The following BRDT variants were observed in gnomAD, a reference collection of about 807,000 sequenced individuals.
BRDT encodes bromodomain testis-specific protein.
In BRDT, 77 loss-of-function variants were observed where a neutral mutation model predicts 113.9. The observed-to-expected ratio is 0.68, with a 90% confidence interval of 0.56 to 0.82. The LOEUF is 0.82. Among genes scored for constraint, BRDT ranks in the 40% least tolerant of loss-of-function variants. The pLI is 0.00. For missense variants in BRDT, 1,027 were observed against 1,105.4 expected, an observed-to-expected ratio of 0.93 and a Z score of 1.01; for synonymous variants, 358 against 366.5, an observed-to-expected ratio of 0.98 and a Z score of 0.26.
At chr1:91,978,376 T>G in intron 7 of BRDT, 80 bp downstream of exon 7, 4 of 1,509,632 alleles carry the variant, frequency 2.6e-6, no homozygotes, top group African/African-American at 1.4e-5. Context: ...ATGTAAGAGA[T>G]AAAGAATAAT....
Position 91,985,638 on chromosome 1 carries a change from C to CTTTTTTT in BRDT, c.2002+3896_2002+3902dup, listed in dbSNP as rs57330647. ...AGAGACAGAGCTTTAATTAGTTTTG[C>CTTTTTTT]TTTTTTTTTTTTTTTTTTTGAGACG... On this transcript the variant is annotated intron_variant, in intron 12 of 18. Coordinates refer to ENST00000399546, the MANE Select transcript of BRDT (RefSeq NM_207189.4). Among the ~76,000 whole-genome samples the CTTTTTTT allele has an allele frequency of 1.3e-4, 14 of 108,590 alleles. 2 individuals carry two copies. Among genetic ancestry groups the CTTTTTTT allele is most frequent in the East Asian group, 2.8e-4 (1 of 3,620 alleles). 71.2% of individuals were successfully genotyped at this position (108,590 alleles called of 152,430 possible).
intron 1 of BRDT, among the ~76,000 whole-genome samples, chr1:91,960,185 T>C (rs1682276282): frequency 6.6e-6 from 1 of 152,146 alleles, no homozygotes; most frequent in Admixed American, 6.6e-5. Context: ...ATCTAGCAAT[T>C]CCACTTGTGT....
Position 91,981,172 on chromosome 1 carries a change from C to A in BRDT, c.1744C>A (p.Pro582Thr). Reference sequence around the variant, plus strand: ...ATGTCTAAGAAAGAGACCATTAAAACCTCCTGGTATGTATTTCTGCATATT... The same window carrying A: ...ATGTCTAAGAAAGAGACCATTAAAAACTCCTGGTATGTATTTCTGCATATT... ...SACLRKRPLK[P>T]PAKKIMMSKE... Residue 582 changes from proline (P) to threonine (T), a missense_variant, in exon 10 of 19, where the codon CCT becomes ACT. Coordinates refer to ENST00000399546, the MANE Select transcript of BRDT (RefSeq NM_207189.4). 1 of 1,608,132 alleles carries A rather than the reference C, an allele frequency of 6.2e-7. No homozygotes were observed.
In BRDT at chr1:91,974,944, A is replaced by T. The variant is rs187935426; in HGVS notation, c.446-1322A>T. The stretch of plus-strand genomic sequence containing the variant: ...TGGCACATATATACCATGGAATACT[A>T]TGAAGCCATAAAAAAGGATGAGTTC... On this transcript the variant is annotated intron_variant, in intron 4 of 18. Coordinates refer to ENST00000399546, the MANE Select transcript of BRDT (RefSeq NM_207189.4). Among the ~76,000 whole-genome samples, 692 of 152,312 alleles carry T rather than the reference A, an allele frequency of 4.5e-3. 7 individuals carry two copies. Among genetic ancestry groups the T allele is most frequent in the African/African-American group, 0.016 (656 of 41,560 alleles).
intron 18 of BRDT, among the ~76,000 whole-genome samples, chr1:92,012,817 T>C (rs1687915903): frequency 6.6e-6 from 1 of 151,494 alleles, no homozygotes; most frequent in Non-Finnish European, 1.5e-5. Context: ...GGCTAAGATA[T>C]GAGAATCACC....
At chr1:91,951,496 TAAAAAAAAA>T (rs1266481364) in intron 1 of BRDT, among the ~76,000 whole-genome samples, 2 of 149,634 alleles carry the variant, frequency 1.3e-5, no homozygotes, top group African/African-American at 4.9e-5. Flanking sequence ...TAGATGGAAT[TAAAAAAAAA>T]GAAAAAAAAG....
At position 91,977,982 on chromosome 1, in the gene BRDT, A is replaced by AT. The variant is rs1396531266; in HGVS notation, c.970-178dup. On this transcript the variant is annotated intron_variant, in intron 6 of 18. Coordinates refer to ENST00000399546, the MANE Select transcript of BRDT (RefSeq NM_207189.4). The stretch of plus-strand genomic sequence containing the variant: ...ATCTCTACTTGTCAAAATTCACTGG[A>AT]TTTTTTTTCAAAGTCTAAAAAATAT... Among the ~76,000 whole-genome samples the AT allele has an allele frequency of 2.0e-5, 3 of 152,016 alleles. No homozygotes were observed. In the South Asian group the frequency reaches 6.2e-4, roughly 32 times the overall value.
intron 12 of BRDT, among the ~76,000 whole-genome samples, chr1:91,990,662 A>T (rs1685666972): frequency 6.6e-6 from 1 of 152,184 alleles, no homozygotes; most frequent in South Asian, 2.1e-4. Context: ...CATTTACTCT[A>T]CTATAGGAAA....
At chr1:92,014,133 A>G in intron 18 of BRDT, 73 bp from the exon 19 acceptor site, 1 of 961,878 alleles carries the variant, frequency 1.0e-6, no homozygotes, top group South Asian at 1.7e-5. Context: ...AATGTTGCAT[A>G]ATCATTATTG....
At chr1:91,951,647 G>A (rs1456203088) in intron 1 of BRDT, among the ~76,000 whole-genome samples, 3 of 151,446 alleles carry the variant, frequency 2.0e-5, no homozygotes, top group East Asian at 2.0e-4. Context: ...GGTGGCACGC[G>A]CCTGTAATCC....
chr1:91,995,629 AT>A (rs1304897944), intron 15 of BRDT, among the ~76,000 whole-genome samples: 1 of 148,552 alleles, frequency 6.7e-6, no homozygotes, highest in Admixed American at 6.7e-5. Context: ...TGCCCAGCTA[AT>A]TTTTTTGTAG....
At chr1:91,971,344 A>G (rs1182326653) in intron 4 of BRDT, among the ~76,000 whole-genome samples, 1 of 152,194 alleles carries the variant, frequency 6.6e-6, no homozygotes, top group Non-Finnish European at 1.5e-5. Context: ...GAGAGGCTTT[A>G]GAGGTGATAC....
intron 15 of BRDT, among the ~76,000 whole-genome samples, chr1:91,999,376 A>C (rs1308850162): frequency 6.6e-6 from 1 of 152,132 alleles, no homozygotes; most frequent in Admixed American, 6.5e-5. Context: ...CATTCATGTA[A>C]AAATATTTTT....
intron 1 of BRDT, among the ~76,000 whole-genome samples, chr1:91,953,133 A>G (rs1301227421): frequency 7.3e-6 from 1 of 137,116 alleles, no homozygotes; most frequent in South Asian, 2.3e-4. Flanking sequence ...AATCATTTCT[A>G]TGAATTACCT....
At chr1:91,981,573 C>T in intron 11 of BRDT, 45 bp from the exon 12 acceptor site, 1 of 1,601,994 alleles carries the variant, frequency 6.2e-7, no homozygotes, top group Non-Finnish European at 8.5e-7. Context: ...GTTCCTGCAA[C>T]TATTTAATTC....
At chr1:91,988,465 A>G (rs746614027) in intron 12 of BRDT, among the ~76,000 whole-genome samples, 12 of 151,904 alleles carry the variant, frequency 7.9e-5, no homozygotes, top group Non-Finnish European at 1.2e-4. Flanking sequence ...CAGTGGCACC[A>G]TCTTGGTTCA....
intron 15 of BRDT, among the ~76,000 whole-genome samples, chr1:91,997,458 A>G (rs1686450881): frequency 6.6e-6 from 1 of 152,232 alleles, no homozygotes; most frequent in African/African-American, 2.4e-5. Flanking sequence ...GGCTCATTAT[A>G]AAGAGCTAAA....
At chr1:92,006,379 C>T (rs1319210588) in intron 18 of BRDT, among the ~76,000 whole-genome samples, 1 of 151,854 alleles carries the variant, frequency 6.6e-6, no homozygotes, top group African/African-American at 2.4e-5. Context: ...TACTTTTAAC[C>T]TATCTTGTGT....
At chr1:91,968,312 T>A in intron 4 of BRDT, 52 bp downstream of exon 4, 1 of 1,588,560 alleles carries the variant, frequency 6.3e-7, no homozygotes, top group Non-Finnish European at 8.6e-7. Context: ...TTCCCCTATC[T>A]ATCTCATGTG....
Sources: allele counts gnomAD v4.1 joint callset (sites outside exome capture counted in the v4.1 genomes callset), GRCh38; gene constraint gnomAD v4.1.1; transcripts MANE v1.5; gene names NCBI Gene and HGNC (gene_info 2026-07-23, HGNC 2026-07-21).